ABCB9: variants seen among roughly 807,000 people sequenced by gnomAD.
ABCB9 encodes the protein ABC-type oligopeptide transporter ABCB9.
In ABCB9, 36 loss-of-function variants were observed where a neutral mutation model predicts 62.0. The observed-to-expected ratio is 0.58, with a 90% confidence interval of 0.45 to 0.77. The LOEUF (loss-of-function observed/expected upper bound fraction) is 0.77, where lower values mean the gene tolerates loss of function less well. Among genes scored for constraint, ABCB9 ranks in the 30% least tolerant of loss-of-function variants. The pLI is 0.00. For synonymous variants in ABCB9, 435 were observed against 461.4 expected (o/e 0.94, Z 0.73); for missense variants, 943 against 1,054.7 (o/e 0.89, Z 1.47).
intron 1 of ABCB9, among the ~76,000 whole-genome samples, chr12:122,963,300 C>T (rs564345988): frequency 1.3e-5 from 2 of 152,156 alleles, no homozygotes; most frequent in South Asian, 2.1e-4. Flanking sequence ...AAAATGCTAC[C>T]GGGAAGTGTT....
intron 3 of ABCB9, 34 bp downstream of exon 3, chr12:122,950,417 G>A (rs913732081): frequency 2.5e-6 from 4 of 1,576,656 alleles, no homozygotes; most frequent in African/African-American, 1.3e-5. Context: ...AGGTCGGGGT[G>A]TGCGGGGCAG....
At chr12:122,969,514 C>T (rs1683032794), upstream of ABCB9, among the ~76,000 whole-genome samples, 1 of 152,088 alleles carries the variant, frequency 6.6e-6, no homozygotes, top group African/African-American at 2.4e-5. Context: ...CTTTGGGAGG[C>T]CAAGGTGGCA....
chr12:122,931,022 T>C (rs1158387277), intron 11 of ABCB9, among the ~76,000 whole-genome samples: 1 of 152,024 alleles, frequency 6.6e-6, no homozygotes, highest in Non-Finnish European at 1.5e-5. Flanking sequence ...TTTTTTGTTT[T>C]TGTTTGTTTG....
chr12:122,927,819 G>A (rs1277850089), downstream of ABCB9, among the ~76,000 whole-genome samples: 4 of 152,162 alleles, frequency 2.6e-5, no homozygotes, highest in Admixed American at 1.3e-4. Context: ...GTTGGTCCTC[G>A]GTTTTGTCAA....
At chr12:122,948,161 C>T (rs2036146732) in intron 5 of ABCB9, 1 of 152,816 alleles carries the variant, frequency 6.5e-6, no homozygotes, top group Admixed American at 6.5e-5. Context: ...TTGTCTCGAA[C>T]TCCTAGGCTC....
chr12:122,948,709 C>T lies in ABCB9; in HGVS notation c.968G>A (p.Ser323Asn). 1 of 1,614,094 alleles carries T rather than the reference C, an allele frequency of 6.2e-7. No homozygotes were observed. The highest frequency in any genetic ancestry group is 8.5e-7 in the Non-Finnish European group (1 of 1,179,972). Residue 323 changes from serine (S) to asparagine (N), a missense_variant, in exon 5 of 12, where the codon AGC becomes AAC. Ser to Asn is a conservative substitution (Grantham distance 46, BLOSUM62 1). Transcript: ENST00000280560. ...KVTGVVVFMF[S>N]LSWQLSLVTF... ...GACCAAGGAGAGCTGCCATGAGAGG[C>T]TGAACATGAAGACCACCACGCCCGT...
chr12:122,975,003 T>C, exon 1 of ABCB9: 1 of 391,574 alleles, frequency 2.6e-6, no homozygotes. Context: ...TTCAGCTGTC[T>C]GTAAAGTGGA....
intron 2 of ABCB9, chr12:122,952,242 C>T (rs989616583): frequency 3.3e-5 from 5 of 152,416 alleles, no homozygotes; most frequent in Admixed American, 1.3e-4. Flanking sequence ...ATGAGACTCC[C>T]CCGACAATAA....
Position 122,960,180 on chromosome 12 carries a change from C to A in ABCB9, c.56G>T (p.Cys19Phe). ...VTLAFMSVDI[C>F]VTTAIYVFSH... ...GAAGACATAGATGGCCGTGGTCACG[C>A]AGATGTCCACACTCATGAAGGCCAA... is the stretch of plus-strand genomic sequence containing the variant. The change falls in exon 2 of 12, where the codon TGC becomes TTC. Residue 19 changes from cysteine to phenylalanine, a missense_variant. By Grantham distance (205) the Cys-to-Phe change is radical (BLOSUM62 -2). Transcript: ENST00000280560. The A allele has an allele frequency of 6.2e-7, 1 of 1,613,602 alleles. No individual in the cohort carries two copies. The highest frequency in any genetic ancestry group is 8.5e-7 in the Non-Finnish European group (1 of 1,180,028).
chr12:122,939,133 C>G (rs1051837019), intron 9 of ABCB9, among the ~76,000 whole-genome samples: 1 of 152,184 alleles, frequency 6.6e-6, no homozygotes, highest in Non-Finnish European at 1.5e-5. Context: ...GATCTCACCA[C>G]TGCACTCCAG....
chr12:122,937,243 C>T (rs2035503003), intron 9 of ABCB9, among the ~76,000 whole-genome samples: 1 of 151,698 alleles, frequency 6.6e-6, no homozygotes. Context: ...CCTGTAGTCC[C>T]AGCTACTTGG....
chr12:122,923,310 C>T (rs559108590), intron 11 of ABCB9, among the ~76,000 whole-genome samples: 5 of 151,724 alleles, frequency 3.3e-5, no homozygotes, highest in Non-Finnish European at 4.4e-5. Context: ...TTTTTTGAGA[C>T]GGAGTCTCGC....
At position 122,966,346 on chromosome 12, in the gene ABCB9, T is replaced by C. The variant is rs1460098547; in HGVS notation, c.-147A>G. 6.6e-6 allele frequency: 1 copy of C among 152,454 alleles called. No individual in the cohort carries two copies. Among genetic ancestry groups the C allele is most frequent in the African/African-American group, 2.4e-5 (1 of 41,436 alleles). 9.4% of individuals were successfully genotyped at this position (152,454 alleles called of 1,614,324 possible). A position where few individuals can be genotyped will look rare whatever the true frequency, so the allele number is the denominator to read the frequency against. ...GCGCGCAGCAGGCTCGGGTCTGGGG[T>C]GCAGTTTCCGCGCTGCTCATTGAAG... On this transcript the variant is annotated 5_prime_UTR_variant, in exon 1 of 12. Coordinates refer to ENST00000280560, the MANE Select transcript of ABCB9 (RefSeq NM_019625.4).
At chr12:122,970,356 T>A (rs377275239), upstream of ABCB9, among the ~76,000 whole-genome samples, 1 of 152,154 alleles carries the variant, frequency 6.6e-6, no homozygotes, top group Non-Finnish European at 1.5e-5. Context: ...CCAGTGACTC[T>A]CCTGCCTCAG....
In ABCB9 at chr12:122,946,123, C is replaced by A; in HGVS notation, c.1153G>T (p.Glu385Ter). The A allele has an allele frequency of 6.2e-7, 1 of 1,614,156 alleles. No homozygotes were observed. Among genetic ancestry groups the A allele is most frequent in the Non-Finnish European group, 8.5e-7 (1 of 1,180,042 alleles). ...MKTVRSFANEEEEAEVYLRKL... is the reference protein window; with the variant it reads ...MKTVRSFANE ...CGCAGGTACACCTCTGCCTCCTCCT[C>A]CTCATTGGCGAAGCTCCGGACAGTC... Residue 385 changes from glutamate to a stop codon, truncating the protein, a stop_gained, in exon 6 of 12, where the codon GAG (glutamate) becomes TAG (stop). Transcript: ENST00000280560. LOFTEE classifies it high-confidence loss of function.
At chr12:122,928,773 C>G (rs910036780), downstream of ABCB9, among the ~76,000 whole-genome samples, 6 of 152,112 alleles carry the variant, frequency 3.9e-5, no homozygotes, top group African/African-American at 1.4e-4. Flanking sequence ...ACGTCTCTAT[C>G]CCCCTGCGCA....
intron 5 of ABCB9, 72 bp downstream of exon 5, chr12:122,948,550 CCT>C (rs2036172100): frequency 2.8e-6 from 4 of 1,411,518 alleles, no homozygotes; most frequent in South Asian, 1.5e-5. Flanking sequence ...TTAGTGGCCC[CCT>C]GAGCCCCTCC....
At chr12:122,933,858 T>C (rs1593984649) in intron 10 of ABCB9, among the ~76,000 whole-genome samples, 1 of 152,242 alleles carries the variant, frequency 6.6e-6, no homozygotes, top group East Asian at 1.9e-4. Context: ...CCAGTTAACA[T>C]ATACATTATC....
chr12:122,947,248 G>A lies in ABCB9; in HGVS notation c.1054-1026C>T, dbSNP rs1044165595. 1.3e-5 allele frequency among the ~76,000 whole-genome samples: 2 copies of A among 152,172 alleles called. No individual in the cohort carries two copies. The highest frequency in any genetic ancestry group is 4.8e-5 in the African/African-American group (2 of 41,430). On this transcript the variant is annotated intron_variant, in intron 5 of 11. Transcript: ENST00000280560. The surrounding 1 kb of genome is among the most constrained non-coding windows in gnomAD (Gnocchi z 6.0). ...CCGGAAGCAAGGGGTGGGGAGCAGC[G>A]TGCCAGAAATGGCTCAGACTCTAAA...
Sources: gnomAD v4.1 joint callset for allele counts (sites outside exome capture counted in the v4.1 genomes callset) on GRCh38, gnomAD v4.1.1 for gene constraint, Gnocchi (gnomAD v3.1) non-coding constraint, MANE v1.5 for transcripts, NCBI Gene and HGNC (gene_info 2026-07-23, HGNC 2026-07-21) for gene names.